The following ANKRD11 variants were observed in gnomAD, a reference collection of about 807,000 sequenced individuals.
The protein encoded by ANKRD11 is ankyrin repeat domain-containing protein 11.
In ANKRD11, 17 loss-of-function variants were observed where a neutral mutation model predicts 195.7. The observed-to-expected ratio is 0.09, with a 90% CI of 0.06 to 0.13. ANKRD11 has a LOEUF of 0.13. Ranked by LOEUF, ANKRD11 falls within the 10% of genes least tolerant of loss-of-function variation. The probability of loss-of-function intolerance (pLI) is 1.00; values close to 1 mark genes in which losing one functional copy is unlikely to be tolerated. For synonymous variants in ANKRD11, 1,953 were observed against 1,528.1 expected (o/e 1.28, Z -6.49); for missense variants, 3,735 against 3,566.1 (o/e 1.05, Z -1.21).
intron 2 of ANKRD11, among the ~76,000 whole-genome samples, chr16:89,332,570 C>G (rs529990631): frequency 1.3e-5 from 2 of 152,316 alleles, no homozygotes; most frequent in East Asian, 3.9e-4. Context: ...AACCCATTCT[C>G]CTAAAGGATT....
chr16:89,275,721 G>C lies in ANKRD11; in HGVS notation c.7471-530C>G, dbSNP rs916138718. Among the ~76,000 whole-genome samples, 113 of 152,332 alleles carry C rather than the reference G, an allele frequency of 7.4e-4. 1 individual carries two copies. Among genetic ancestry groups the C allele is most frequent in the African/African-American group, 2.6e-3 (110 of 41,578 alleles). The stretch of plus-strand genomic sequence containing the variant: ...TGGCCCAGGTCCCCGTGGGGGCTGG[G>C]GGACTGTGGGCCGGAAGCGCAGGCA... On this transcript the variant is annotated intron_variant, in intron 9 of 12. Coordinates refer to ENST00000301030, the MANE Select transcript of ANKRD11 (RefSeq NM_013275.6).
chr16:89,303,749 C>T (rs539580482), intron 4 of ANKRD11, among the ~76,000 whole-genome samples: 23 of 152,318 alleles, frequency 1.5e-4, no homozygotes, highest in African/African-American at 4.6e-4. Context: ...CACAGGCCTG[C>T]GGCAGCCACA....
intron 3 of ANKRD11, among the ~76,000 whole-genome samples, chr16:89,316,320 G>A (rs1185298576): frequency 6.6e-6 from 1 of 152,108 alleles, no homozygotes; most frequent in African/African-American, 2.4e-5. Flanking sequence ...GCACACCCCA[G>A]AACTCGGCGT....
chr16:89,462,064 C>CTCCCCATGG (rs1567838487), intron 1 of ANKRD11, among the ~76,000 whole-genome samples: 4 of 44,998 alleles, frequency 8.9e-5, no homozygotes, highest in African/African-American at 1.2e-4. Flanking sequence ...CCCTCTCCCT[C>CTCCCCATGG]TCTCCCTCTC....
intron 1 of ANKRD11, among the ~76,000 whole-genome samples, chr16:89,484,260 C>A (rs149101626): frequency 6.6e-6 from 1 of 152,130 alleles, no homozygotes; most frequent in Non-Finnish European, 1.5e-5. Flanking sequence ...TGTAAAACCA[C>A]ATCTAGAAAC....
chr16:89,278,659 G>A lies in ANKRD11; in HGVS notation c.7470+413C>T, dbSNP rs567886990. The A allele has an allele frequency of 1.9e-5, 9 of 467,200 alleles. No homozygotes were observed. In the East Asian group the frequency reaches 4.7e-4, roughly 24 times the overall value. The allele number at this position is 467,200 out of a possible 1,614,324, so 28.9% of individuals were successfully genotyped here. On this transcript the variant is annotated intron_variant, in intron 9 of 12. Coordinates refer to ENST00000301030, the MANE Select transcript of ANKRD11 (RefSeq NM_013275.6). ...CTCATCGTGCAGGTATGGAGGCTCAGGGAACCCACGCGGGTCCAAGGGAGA... is the reference window on the plus strand; with the variant it reads ...CTCATCGTGCAGGTATGGAGGCTCAAGGAACCCACGCGGGTCCAAGGGAGA...
chr16:89,292,278 G>C (rs765007156), intron 4 of ANKRD11, among the ~76,000 whole-genome samples: 1 of 152,156 alleles, frequency 6.6e-6, no homozygotes, highest in Non-Finnish European at 1.5e-5. Context: ...CCCTCGGCTG[G>C]TGTTTGATCC....
Position 89,268,657 on chromosome 16 carries a change from G to C in ANKRD11, c.7813C>G (p.Leu2605Val). Residue 2605 changes from leucine to valine, a missense_variant, in exon 13 of 13, where the codon CTC becomes GTC. By Grantham distance (32) the Leu-to-Val change is conservative (BLOSUM62 1). Coordinates refer to ENST00000301030, the MANE Select transcript of ANKRD11 (RefSeq NM_013275.6). ...DDKYDRMKTC[L>V]LMRQQHEAAA... ...GCCTCGTGCTGCTGCCGCATGAGGA[G>C]GCAAGTCTGCGGGACACACAGCGGG... 2 of 1,582,750 alleles carry C rather than the reference G, an allele frequency of 1.3e-6. No individual in the cohort carries two copies. The highest frequency in any genetic ancestry group is 1.7e-6 in the Non-Finnish European group (2 of 1,164,954).
intron 1 of ANKRD11, among the ~76,000 whole-genome samples, chr16:89,475,605 T>C (rs1161134354): frequency 1.3e-5 from 2 of 152,218 alleles, no homozygotes; most frequent in African/African-American, 4.8e-5. Context: ...AATTTTAAGA[T>C]AATCTTTTAT....
At chr16:89,425,056 C>T (rs2042662840) in intron 1 of ANKRD11, among the ~76,000 whole-genome samples, 1 of 145,762 alleles carries the variant, frequency 6.9e-6, no homozygotes, top group Non-Finnish European at 1.5e-5. Flanking sequence ...GGATTTCTTA[C>T]AACAAAACAC....
intron 2 of ANKRD11, among the ~76,000 whole-genome samples, chr16:89,368,394 T>G (rs893967645): frequency 7.0e-6 from 1 of 141,912 alleles, no homozygotes; most frequent in African/African-American, 2.6e-5. Context: ...TTTTTTTTTT[T>G]TTTTTTTTAG....
chr16:89,478,142 C>G (rs113735328), intron 1 of ANKRD11, among the ~76,000 whole-genome samples: 3 of 152,238 alleles, frequency 2.0e-5, no homozygotes, highest in African/African-American at 7.2e-5. Flanking sequence ...AGGAACAGTT[C>G]CCAACGTTGT....
chr16:89,309,959 G>A (rs2036519813), intron 3 of ANKRD11, among the ~76,000 whole-genome samples: 1 of 152,206 alleles, frequency 6.6e-6, no homozygotes, highest in African/African-American at 2.4e-5. Flanking sequence ...CACGAGGTAG[G>A]CTCTGCACAT....
rs545255692 is a variant in ANKRD11, at chr16:89,428,849, G to A, written c.-144-10481C>T. On this transcript the variant is annotated intron_variant, in intron 1 of 12. Transcript: ENST00000301030. ...GCGGAGCTTGCAGTAAGCCAAGATC[G>A]TGCCAATGCATTATAGCCTGGGCAA... is the stretch of plus-strand genomic sequence containing the variant. Among the ~76,000 whole-genome samples, 21 of 152,262 alleles carry A rather than the reference G, an allele frequency of 1.4e-4. 1 individual carries two copies. The South Asian group carries it at 3.3e-3, about 24-fold the overall frequency.
At chr16:89,323,924 GA>G (rs2037527023) in intron 2 of ANKRD11, 1 of 217,186 alleles carries the variant, frequency 4.6e-6, no homozygotes, top group Admixed American at 5.5e-5. Context: ...TCGCGAGGTA[GA>G]ATCTCTTTGC....
chr16:89,478,782 T>C (rs1289073161), intron 1 of ANKRD11, among the ~76,000 whole-genome samples: 1 of 152,204 alleles, frequency 6.6e-6, no homozygotes, highest in Non-Finnish European at 1.5e-5. Flanking sequence ...GCAAATTCCT[T>C]ATTCCCATGA....
intron 1 of ANKRD11, among the ~76,000 whole-genome samples, chr16:89,428,380 G>A (rs1377086258): frequency 1.3e-5 from 2 of 151,642 alleles, no homozygotes; most frequent in East Asian, 1.9e-4. Context: ...AAAAAAATTA[G>A]CCAAGCGTGG....
At chr16:89,402,053 C>T (rs1235570413) in intron 2 of ANKRD11, among the ~76,000 whole-genome samples, 7 of 149,924 alleles carry the variant, frequency 4.7e-5, no homozygotes, top group African/African-American at 1.7e-4. Flanking sequence ...GGTGATTTAT[C>T]ACGGCAGCCC....
At chr16:89,441,544 G>A (rs567937483) in intron 1 of ANKRD11, among the ~76,000 whole-genome samples, 1 of 151,966 alleles carries the variant, frequency 6.6e-6, no homozygotes, top group Non-Finnish European at 1.5e-5. Context: ...AAGGCGGGCG[G>A]ATCACGAGGT....
Sources: gnomAD v4.1 joint callset for allele counts (sites outside exome capture counted in the v4.1 genomes callset) on GRCh38, gnomAD v4.1.1 for gene constraint, MANE v1.5 for transcripts, NCBI Gene and HGNC (gene_info 2026-07-23, HGNC 2026-07-21) for gene names.